Variants in INPP4B observed in about 807,000 individuals in gnomAD.
The protein encoded by INPP4B is inositol polyphosphate-4-phosphatase type II B, also known as inositol polyphosphate 4-phosphatase type II.
In INPP4B, 55 loss-of-function variants were observed where a neutral mutation model predicts 122.5. The observed-to-expected ratio is 0.45, with a 90% CI of 0.36 to 0.56. The LOEUF is 0.56. Ranked by LOEUF, INPP4B falls within the 20% of genes least tolerant of loss-of-function variation. The pLI is 0.00. For synonymous variants in INPP4B, 403 were observed against 388.7 expected (o/e 1.04, Z -0.43); for missense variants, 1,000 against 1,097.7 (o/e 0.91, Z 1.26).
intron 7 of INPP4B, among the ~76,000 whole-genome samples, chr4:142,390,055 C>A (rs957999343): frequency 2.0e-5 from 3 of 152,012 alleles, no homozygotes; most frequent in Admixed American, 2.0e-4. Context: ...ACAAAACAGA[C>A]CTTTCTTAGA....
chr4:142,664,141 A>G (rs1202798666), intron 2 of INPP4B, among the ~76,000 whole-genome samples: 2 of 152,166 alleles, frequency 1.3e-5, no homozygotes, highest in South Asian at 2.1e-4. Context: ...TTTGGGCCCA[A>G]TTAGGAAGAG....
chr4:142,548,840 A>G (rs1727312415), intron 2 of INPP4B, among the ~76,000 whole-genome samples: 1 of 152,082 alleles, frequency 6.6e-6, no homozygotes, highest in Non-Finnish European at 1.5e-5. Context: ...ATTAAATTTT[A>G]TAAGGCTTCC....
chr4:142,596,955 C>A (rs1452664570), intron 2 of INPP4B, among the ~76,000 whole-genome samples: 1 of 152,208 alleles, frequency 6.6e-6, no homozygotes, highest in Non-Finnish European at 1.5e-5. Context: ...ATCTCAGTTA[C>A]CCTCAAACGA....
At chr4:142,834,717 G>A (rs891767730) in intron 1 of INPP4B, among the ~76,000 whole-genome samples, 1 of 152,116 alleles carries the variant, frequency 6.6e-6, no homozygotes, top group African/African-American at 2.4e-5. Context: ...CAATGTTTTT[G>A]TTCTGCAGTA....
At chr4:142,056,849 G>A (rs1394118843) in intron 25 of INPP4B, among the ~76,000 whole-genome samples, 3 of 151,990 alleles carry the variant, frequency 2.0e-5, no homozygotes, top group Admixed American at 1.3e-4. Flanking sequence ...AGTTGCCTTC[G>A]GGAATCTGAG....
intron 15 of INPP4B, among the ~76,000 whole-genome samples, chr4:142,185,731 T>C (rs576389828): frequency 8.6e-5 from 13 of 151,482 alleles, no homozygotes; most frequent in South Asian, 2.1e-4. Flanking sequence ...TACAAAAAAT[T>C]AGCCGCGCGT....
intron 2 of INPP4B, among the ~76,000 whole-genome samples, chr4:142,545,990 C>T (rs888161505): frequency 6.6e-6 from 1 of 151,734 alleles, no homozygotes; most frequent in Admixed American, 6.6e-5. Context: ...CACAGGTAAA[C>T]TTGTGTCATG....
chr4:142,601,077 A>G (rs541624983), intron 2 of INPP4B, among the ~76,000 whole-genome samples: 59 of 152,314 alleles, frequency 3.9e-4, no homozygotes, highest in African/African-American at 1.4e-3. Flanking sequence ...AGAGAGAGAG[A>G]GACTTTTATA....
At chr4:142,194,218 G>A (rs902867275) in intron 14 of INPP4B, among the ~76,000 whole-genome samples, 3 of 152,032 alleles carry the variant, frequency 2.0e-5, no homozygotes, top group Non-Finnish European at 4.4e-5. Context: ...AAGATCACAA[G>A]AAAGAATACA....
At chr4:142,350,175 C>T (rs1001108460) in intron 7 of INPP4B, among the ~76,000 whole-genome samples, 4 of 151,974 alleles carry the variant, frequency 2.6e-5, no homozygotes, top group African/African-American at 9.7e-5. Flanking sequence ...CACTATTAGC[C>T]TTTCTCTGAG....
At chr4:142,267,475 C>CT in intron 10 of INPP4B, among the ~76,000 whole-genome samples, 1 of 152,256 alleles carries the variant, frequency 6.6e-6, no homozygotes, top group East Asian at 1.9e-4. Context: ...AGGGCAGTCT[C>CT]TTTAACAAAT....
chr4:142,796,868 A>ATGTG (rs34860975), intron 1 of INPP4B, among the ~76,000 whole-genome samples: 6,951 of 105,154 alleles, frequency 0.066, 420 homozygotes, highest in African/African-American at 0.17. Context: ...CGGAAAACAG[A>ATGTG]TGTGTGTGTG....
rs528949825 is a variant in INPP4B at position 142,173,747 on chromosome 4, C to T, written c.1244G>A (p.Ser415Asn). Residue 415 changes from serine (S) to asparagine (N), a missense_variant, in exon 16 of 26, where the codon AGC becomes AAC. Transcript: ENST00000262992. ...ENTAKAKEVL[S>N]NINQLQPLIA... Reference sequence around the variant, plus strand: ...AAGAGGTTGTAGTTGATTGATGTTGCTGAGAACTTCCTTTGCTTTGGCTGT... The same window carrying T: ...AAGAGGTTGTAGTTGATTGATGTTGTTGAGAACTTCCTTTGCTTTGGCTGT... 1 of 1,613,304 alleles carries T rather than the reference C, an allele frequency of 6.2e-7. No individual in the cohort carries two copies. The highest frequency in any genetic ancestry group is 1.1e-5 in the South Asian group (1 of 91,058).
intron 2 of INPP4B, among the ~76,000 whole-genome samples, chr4:142,674,472 C>T (rs1757439236): frequency 6.6e-6 from 1 of 151,796 alleles, no homozygotes; most frequent in South Asian, 2.1e-4. Context: ...AAATATATGC[C>T]ATTTATTAGC....
intron 2 of INPP4B, among the ~76,000 whole-genome samples, chr4:142,607,566 T>C (rs1741532807): frequency 6.6e-6 from 1 of 152,118 alleles, no homozygotes; most frequent in Admixed American, 6.6e-5. Flanking sequence ...TGCTGGTCTG[T>C]CCAGCTGATC....
intron 2 of INPP4B, among the ~76,000 whole-genome samples, chr4:142,539,202 T>C (rs184516368): frequency 3.6e-3 from 541 of 151,224 alleles, no homozygotes; most frequent in African/African-American, 0.012. Context: ...TCTGAGAAAG[T>C]CAAAAACAGT....
chr4:142,528,918 T>C (rs997345983), intron 2 of INPP4B, among the ~76,000 whole-genome samples: 7 of 152,148 alleles, frequency 4.6e-5, no homozygotes, highest in African/African-American at 1.7e-4. Flanking sequence ...ACTGTGTTTG[T>C]TGCCAATTAC....
intron 25 of INPP4B, among the ~76,000 whole-genome samples, chr4:142,061,920 ATATATATATATATATATAT>A (rs1332464464): frequency 2.4e-4 from 5 of 21,042 alleles, no homozygotes; most frequent in African/African-American, 6.2e-4. Context: ...ATATATATAT[ATATATATATATATATATAT>A]ATCTGTAACT....
At position 142,082,015 on chromosome 4, in the gene INPP4B, A is replaced by C. The variant is rs768180216; in HGVS notation, c.2642+16T>G. ...ATGACCTTAAAAGAAAAAAACTTGA[A>C]AAACATGTGAGATACCTTCTCATGC... is the stretch of plus-strand genomic sequence containing the variant. On this transcript the variant is annotated intron_variant, in intron 25 of 25. Coordinates refer to ENST00000262992, the MANE Select transcript of INPP4B (RefSeq NM_001101669.3). The C allele has an allele frequency of 7.1e-7, 1 of 1,412,108 alleles. No individual in the cohort carries two copies. Among genetic ancestry groups the C allele is most frequent in the East Asian group, 2.4e-5 (1 of 42,546 alleles). The allele number at this position is 1,412,108 out of a possible 1,614,324, so 87.5% of individuals were successfully genotyped here.
Sources: allele counts gnomAD v4.1 joint callset (sites outside exome capture counted in the v4.1 genomes callset), GRCh38; gene constraint gnomAD v4.1.1; transcripts MANE v1.5; gene names NCBI Gene and HGNC (gene_info 2026-07-23, HGNC 2026-07-21).